MTUS2: variants seen among roughly 807,000 people sequenced by gnomAD.
MTUS2 encodes microtubule associated scaffold protein 2.
MTUS2 carries 40 observed loss-of-function variants against 114.1 expected under a neutral mutation model. The ratio of observed to expected loss-of-function variants is 0.35; its 90% confidence interval spans 0.27 to 0.46. The LOEUF is 0.46. Among genes scored for constraint, MTUS2 ranks in the 20% least tolerant of loss-of-function variants. The pLI is 1.00. For synonymous variants in MTUS2, 688 were observed against 672.0 expected (o/e 1.02, Z -0.37); for missense variants, 1,679 against 1,705.4 (o/e 0.98, Z 0.27).
At chr13:28,869,921 A>G (rs1014158720) in intron 2 of MTUS2, among the ~76,000 whole-genome samples, 5 of 151,980 alleles carry the variant, frequency 3.3e-5, no homozygotes, top group Admixed American at 2.6e-4. Context: ...GTGGATGCAG[A>G]CTCTTAATTT....
At chr13:29,419,696 T>G (rs1875936946) in intron 8 of MTUS2, among the ~76,000 whole-genome samples, 1 of 152,178 alleles carries the variant, frequency 6.6e-6, no homozygotes, top group Non-Finnish European at 1.5e-5. Context: ...ATTTTGTGTT[T>G]GAGTTTCAGC....
At chr13:29,461,445 C>G (rs1209953630) in intron 9 of MTUS2, among the ~76,000 whole-genome samples, 1 of 152,210 alleles carries the variant, frequency 6.6e-6, no homozygotes, top group Non-Finnish European at 1.5e-5. Flanking sequence ...ACAAATCACT[C>G]CATCCCAGGA....
At chr13:29,419,752 C>T (rs1875941355) in intron 8 of MTUS2, among the ~76,000 whole-genome samples, 1 of 152,206 alleles carries the variant, frequency 6.6e-6, no homozygotes, top group African/African-American at 2.4e-5. Context: ...CTTCAGGACA[C>T]ATGTAGAAGT....
chr13:29,469,543 C>T (rs980104778), intron 9 of MTUS2, among the ~76,000 whole-genome samples: 6 of 151,400 alleles, frequency 4.0e-5, no homozygotes, highest in Non-Finnish European at 7.4e-5. Flanking sequence ...AGGAGAATGG[C>T]GTGAACCTGG....
intron 1 of MTUS2, among the ~76,000 whole-genome samples, chr13:28,834,702 C>T (rs1451190275): frequency 1.3e-5 from 2 of 152,010 alleles, no homozygotes; most frequent in Non-Finnish European, 2.9e-5. Flanking sequence ...AAATTGTTTC[C>T]TTCAGAGGAT....
At chr13:28,831,337 G>A (rs1483378829) in intron 1 of MTUS2, among the ~76,000 whole-genome samples, 1 of 152,042 alleles carries the variant, frequency 6.6e-6, no homozygotes, top group Non-Finnish European at 1.5e-5. Flanking sequence ...GTAGTCAAAA[G>A]GCATAGGTTG....
intron 5 of MTUS2, among the ~76,000 whole-genome samples, chr13:29,153,329 C>G (rs1485169934): frequency 6.6e-6 from 1 of 152,172 alleles, no homozygotes; most frequent in Non-Finnish European, 1.5e-5. Context: ...GAATTTTTAA[C>G]TAACCACCCA....
chr13:29,481,726 TA>T, intron 10 of MTUS2, among the ~76,000 whole-genome samples: 1 of 150,854 alleles, frequency 6.6e-6, no homozygotes, highest in African/African-American at 2.4e-5. Context: ...GTCATGGTAA[TA>T]AAAACCTCTC....
At chr13:29,307,992 G>A (rs1252468335) in intron 6 of MTUS2, among the ~76,000 whole-genome samples, 1 of 152,116 alleles carries the variant, frequency 6.6e-6, no homozygotes, top group Non-Finnish European at 1.5e-5. Flanking sequence ...AAAGAAAAAG[G>A]AAATGGTCAT....
rs949914656 is a variant in MTUS2 at position 29,306,484 on chromosome 13, T to A, written c.2807-18129T>A. 1.1e-4 allele frequency among the ~76,000 whole-genome samples: 16 copies of A among 152,228 alleles called. 1 individual carries two copies. The highest frequency in any genetic ancestry group is 3.9e-4 in the African/African-American group (16 of 41,534). On this transcript the variant is annotated intron_variant, in intron 6 of 15. Transcript: ENST00000612955. Reference sequence around the variant, plus strand: ...TCTGCAAAAATTGCTAGCATTCCTATACACCAACAACAGGAAAGCAGAGAG... The same window carrying A: ...TCTGCAAAAATTGCTAGCATTCCTAAACACCAACAACAGGAAAGCAGAGAG...
chr13:28,833,619 A>G (rs1337799603), intron 1 of MTUS2, among the ~76,000 whole-genome samples: 2 of 152,138 alleles, frequency 1.3e-5, no homozygotes, highest in African/African-American at 4.8e-5. Context: ...CTTGTGAAAG[A>G]CTGTTTTCCT....
intron 4 of MTUS2, among the ~76,000 whole-genome samples, chr13:29,049,567 A>G (rs906818680): frequency 4.6e-5 from 7 of 152,182 alleles, no homozygotes; most frequent in African/African-American, 1.7e-4. Context: ...TTCTCTTGAG[A>G]TGATTTTAAG....
chr13:29,204,796 G>A (rs1045979210), intron 5 of MTUS2, among the ~76,000 whole-genome samples: 10 of 152,236 alleles, frequency 6.6e-5, no homozygotes, highest in Admixed American at 1.3e-4. Flanking sequence ...ACACAGCTTC[G>A]TGACCATTGG....
At chr13:28,877,149 C>A (rs1410627087) in intron 2 of MTUS2, among the ~76,000 whole-genome samples, 30 of 146,870 alleles carry the variant, frequency 2.0e-4, no homozygotes, top group Non-Finnish European at 3.3e-4. Context: ...AAAAAAACAA[C>A]AAAAAAATAC....
Position 29,026,137 on chromosome 13 carries a change from A to G in MTUS2, c.1439A>G (p.Lys480Arg), listed in dbSNP as rs767239779. 1 of 1,614,010 alleles carries G rather than the reference A, an allele frequency of 6.2e-7. No homozygotes were observed. The highest frequency in any genetic ancestry group is 8.5e-7 in the Non-Finnish European group (1 of 1,179,888). The change falls in exon 3 of 16, where the codon AAG (lysine) becomes AGG (arginine). Residue 480 changes from lysine to arginine, a missense_variant. Physicochemically the swap from Lys to Arg is conservative, Grantham distance 26. Coordinates refer to ENST00000612955, the MANE Select transcript of MTUS2 (RefSeq NM_001033602.4). ...LVFNPSVGEN[K>R]TEVPEPLDPQ... Reference sequence around the variant, plus strand: ...TTCAATCCTTCTGTTGGAGAGAACAAGACGGAGGTGCCTGAGCCCCTGGAC... The same window carrying G: ...TTCAATCCTTCTGTTGGAGAGAACAGGACGGAGGTGCCTGAGCCCCTGGAC...
chr13:29,375,132 CT>C (rs1178589591), intron 8 of MTUS2, among the ~76,000 whole-genome samples: 6 of 151,926 alleles, frequency 3.9e-5, no homozygotes, highest in African/African-American at 1.2e-4. Context: ...TTTGCCATTA[CT>C]TTTAATAAGA....
At chr13:29,451,859 G>A (rs1044933424) in intron 9 of MTUS2, among the ~76,000 whole-genome samples, 3 of 152,178 alleles carry the variant, frequency 2.0e-5, no homozygotes, top group African/African-American at 7.2e-5. Context: ...AAAGTGCTGG[G>A]ATTATAGGCA....
chr13:28,893,254 A>AT (rs1879040096), intron 2 of MTUS2, among the ~76,000 whole-genome samples: 1 of 152,174 alleles, frequency 6.6e-6, no homozygotes. Flanking sequence ...AAAGCTATTT[A>AT]TTAAGCCAGC....
chr13:29,491,757 G>A (rs1453008027), intron 11 of MTUS2, among the ~76,000 whole-genome samples: 1 of 147,186 alleles, frequency 6.8e-6, no homozygotes, highest in Non-Finnish European at 1.5e-5. Flanking sequence ...GTGTGTGCGT[G>A]TGGTATGTGT....
Sources: gnomAD v4.1 joint callset for allele counts (sites outside exome capture counted in the v4.1 genomes callset) on GRCh38, gnomAD v4.1.1 for gene constraint, MANE v1.5 for transcripts, NCBI Gene and HGNC (gene_info 2026-07-23, HGNC 2026-07-21) for gene names.